The following MTUS1 variants were observed in gnomAD, a reference collection of about 807,000 sequenced individuals.
MTUS1 encodes microtubule associated scaffold protein 1.
In MTUS1, 109 loss-of-function variants were observed where a neutral mutation model predicts 120.8. The ratio of observed to expected loss-of-function variants is 0.90; its 90% CI spans 0.77 to 1.06. The LOEUF (loss-of-function observed/expected upper bound fraction) is 1.06. Among genes scored for constraint, MTUS1 ranks in the 50% least tolerant of loss-of-function variants. The pLI is 0.00. For missense variants in MTUS1, 2,210 were observed against 1,486.3 expected (o/e 1.49, Z -8.01); for synonymous variants, 737 against 550.5 (o/e 1.34, Z -4.74).
chr8:17,712,901 G>T (rs1821614739), intron 6 of MTUS1, among the ~76,000 whole-genome samples: 1 of 152,070 alleles, frequency 6.6e-6, no homozygotes, highest in Non-Finnish European at 1.5e-5. Flanking sequence ...AAAAATTAAG[G>T]AATATCCAAT....
chr8:17,735,904 T>TA (rs1046285904), intron 3 of MTUS1, among the ~76,000 whole-genome samples: 1 of 152,188 alleles, frequency 6.6e-6, no homozygotes, highest in African/African-American at 2.4e-5. Context: ...TACAGCACTA[T>TA]AAATGCAAAG....
intron 1 of MTUS1, among the ~76,000 whole-genome samples, chr8:17,765,296 A>G (rs209564): frequency 0.25 from 38,159 of 151,986 alleles, 5,212 homozygotes; most frequent in African/African-American, 0.36. Flanking sequence ...AACAGGCCAC[A>G]GCCCAGGAAT....
chr8:17,774,700 C>T (rs2050276025), intron 1 of MTUS1, among the ~76,000 whole-genome samples: 2 of 152,132 alleles, frequency 1.3e-5, no homozygotes, highest in Non-Finnish European at 2.9e-5. Flanking sequence ...AAGAGATAAA[C>T]ATAGAATTGC....
At chr8:17,738,164 T>C (rs947802221) in intron 3 of MTUS1, among the ~76,000 whole-genome samples, 5 of 152,322 alleles carry the variant, frequency 3.3e-5, no homozygotes, top group Non-Finnish European at 7.3e-5. Context: ...TCTCTTTCTC[T>C]AGAAGAAAAC....
chr8:17,686,845 T>C lies in MTUS1; in HGVS notation c.2624-2303A>G, dbSNP rs143492239. On this transcript the variant is annotated intron_variant, in intron 6 of 14. Transcript: ENST00000693296. ...ATAGGAATCAGACAGCTAAAAAGTA[T>C]CCTGAAGCATTTTTTATACTTTTTA... 6.0e-3 allele frequency among the ~76,000 whole-genome samples: 921 copies of C among 152,328 alleles called. 15 individuals are homozygous for C. Among genetic ancestry groups the C allele is most frequent in the African/African-American group, 0.021 (853 of 41,580 alleles).
At chr8:17,664,106 AAC>A (rs1810378206) in intron 8 of MTUS1, 1 of 152,198 alleles carries the variant, frequency 6.6e-6, no homozygotes, top group Non-Finnish European at 1.5e-5. Flanking sequence ...ACAGAAATAT[AAC>A]AGTTAAAAAG....
chr8:17,774,735 A>G (rs980659690), intron 1 of MTUS1, among the ~76,000 whole-genome samples: 2 of 152,148 alleles, frequency 1.3e-5, no homozygotes, highest in Non-Finnish European at 2.9e-5. Flanking sequence ...TTCCACTCTT[A>G]TACCCCCAAA....
Position 17,754,823 on chromosome 8 carries a change from T to C in MTUS1, c.985A>G (p.Arg329Gly). ...NSEPHSQSSY[R>G]HKEMGQNLRE... ...AGATTTTGGCCCATTTCCTTGTGCC[T>C]GTATGAGCTCTGTGAATGTGGTTCG... Residue 329 changes from arginine to glycine, a missense_variant, in exon 2 of 15, where the codon AGG (arginine) becomes GGG (glycine). Coordinates refer to ENST00000693296, the MANE Select transcript of MTUS1 (RefSeq NM_001363059.2). 3 of 1,614,230 alleles carry C rather than the reference T, an allele frequency of 1.9e-6. No individual in the cohort carries two copies. Among genetic ancestry groups the C allele is most frequent in the Non-Finnish European group, 2.5e-6 (3 of 1,180,038 alleles).
chr8:17,754,666 G>C lies in MTUS1; in HGVS notation c.1142C>G (p.Ser381Cys), dbSNP rs531238439. ...VTETEDTQMV[S>C]KGKDLGTQNH... ...TTGGGTTCCCAAATCCTTTCCTTTG[G>C]AGACCATTTGTGTGTCTTCAGTCTC... Residue 381 changes from serine to cysteine, a missense_variant, in exon 2 of 15, where the codon TCC (serine) becomes TGC (cysteine). Transcript: ENST00000693296. 2 of 1,614,044 alleles carry C rather than the reference G, an allele frequency of 1.2e-6. No homozygotes were observed. Among genetic ancestry groups the C allele is most frequent in the African/African-American group, 1.3e-5 (1 of 74,904 alleles).
chr8:17,751,862 T>TAAAAA (rs56362055), intron 2 of MTUS1, among the ~76,000 whole-genome samples: 17 of 96,510 alleles, frequency 1.8e-4, no homozygotes, highest in South Asian at 3.4e-4. Context: ...GACTCTGCCT[T>TAAAAA]AAAAAAAAAA....
chr8:17,728,868 T>G (rs1162680974), intron 3 of MTUS1, among the ~76,000 whole-genome samples: 1 of 152,092 alleles, frequency 6.6e-6, no homozygotes, highest in Non-Finnish European at 1.5e-5. Flanking sequence ...GACTGAAGAC[T>G]GAAATCAGGG....
At chr8:17,758,516 A>C (rs529629357) in intron 1 of MTUS1, among the ~76,000 whole-genome samples, 6 of 152,388 alleles carry the variant, frequency 3.9e-5, no homozygotes, top group African/African-American at 1.4e-4. Flanking sequence ...CTTTTATGAA[A>C]CATAAATTAA....
Position 17,645,906 on chromosome 8 carries a change from C to T in MTUS1, c.*20G>A. ...CTGCATCAAAATGCTTTCAGAGAGT[C>T]TGTGGACTTTGGGGAGGTGTCATCT... is the stretch of plus-strand genomic sequence containing the variant. On this transcript the variant is annotated 3_prime_UTR_variant, in exon 15 of 15. Transcript: ENST00000693296. 1 of 1,603,780 alleles carries T rather than the reference C, an allele frequency of 6.2e-7. No individual in the cohort carries two copies. Among genetic ancestry groups the T allele is most frequent in the Non-Finnish European group, 8.5e-7 (1 of 1,176,180 alleles).
In MTUS1 at chr8:17,729,109, C is replaced by G. The variant is rs1015342026; in HGVS notation, c.2288-5276G>C. Among the ~76,000 whole-genome samples the G allele has an allele frequency of 3.3e-5, 5 of 152,160 alleles. No homozygotes were observed. The East Asian group carries it at 9.6e-4, about 29-fold the overall frequency. On this transcript the variant is annotated intron_variant, in intron 3 of 14. Coordinates refer to ENST00000693296, the MANE Select transcript of MTUS1 (RefSeq NM_001363059.2). Reference sequence around the variant, plus strand: ...TTTCCAGTTAATTCAGAGAATATGTCTGTAGCTATAATTATATAACTTGGG... The same window carrying G: ...TTTCCAGTTAATTCAGAGAATATGTGTGTAGCTATAATTATATAACTTGGG...
In MTUS1 at chr8:17,754,745, G is replaced by A; in HGVS notation, c.1063C>T (p.Pro355Ser). Residue 355 changes from proline (P) to serine (S), a missense_variant, in exon 2 of 15, where the codon CCA (proline) becomes TCA (serine). By Grantham distance (74) the Pro-to-Ser change is moderately conservative. Transcript: ENST00000693296. ...TGAGCTTCGCTCTTATCAAAAGCTG[G>A]CACCATTAAAGGGCATTCATCATCA... ...LIDDECPLMVPAFDKSEAQVL... is the reference protein window; with the variant it reads ...LIDDECPLMVSAFDKSEAQVL... The A allele has an allele frequency of 6.2e-7, 1 of 1,614,180 alleles. No individual in the cohort carries two copies.
intron 1 of MTUS1, chr8:17,758,328 G>A (rs2131363528): frequency 6.6e-6 from 1 of 152,240 alleles, no homozygotes; most frequent in Middle Eastern, 3.4e-3. Flanking sequence ...AAGAAAGGCT[G>A]CAATGTTGAT....
rs779907905 is a variant in MTUS1 at position 17,653,208 on chromosome 8, C to G, written c.3362G>C (p.Arg1121Thr). 1.9e-6 allele frequency: 3 copies of G among 1,549,342 alleles called. No individual in the cohort carries two copies. The highest frequency in any genetic ancestry group is 2.6e-6 in the Non-Finnish European group (3 of 1,151,812). ...EKLKSEEQKRRAREKANLKNP... is the reference protein window; with the variant it reads ...EKLKSEEQKRTAREKANLKNP... ...TACCAAATTTGCTTTTTCTCTTGCT[C>G]TTCTTTTTTGTTCTTCTGATTTCAA... The change falls in exon 12 of 15, where the codon AGA becomes ACA. Residue 1121 changes from arginine (R) to threonine (T), a missense_variant. By Grantham distance (71) the Arg-to-Thr change is moderately conservative. Coordinates refer to ENST00000693296, the MANE Select transcript of MTUS1 (RefSeq NM_001363059.2).
intron 6 of MTUS1, among the ~76,000 whole-genome samples, chr8:17,703,160 G>T (rs375385446): frequency 4.6e-5 from 7 of 152,118 alleles, no homozygotes; most frequent in African/African-American, 1.7e-4. Context: ...CTGCGCGGTC[G>T]GGCAGAATAC....
In MTUS1 at chr8:17,773,780, C is replaced by T. The variant is rs527849837; in HGVS notation, c.-154-17819G>A. Among the ~76,000 whole-genome samples the T allele has an allele frequency of 2.0e-5, 3 of 152,224 alleles. No individual in the cohort carries two copies. The South Asian group carries it at 6.2e-4, about 32-fold the overall frequency. The stretch of plus-strand genomic sequence containing the variant: ...ACATTCAAATCATAGCAATGGAGCA[C>T]CAAAATCCCACAGGGTCTTTCCAGG... On this transcript the variant is annotated intron_variant, in intron 1 of 14. Transcript: ENST00000693296.
Sources: gnomAD v4.1 joint callset for allele counts (sites outside exome capture counted in the v4.1 genomes callset) on GRCh38, gnomAD v4.1.1 for gene constraint, MANE v1.5 for transcripts, NCBI Gene and HGNC (gene_info 2026-07-23, HGNC 2026-07-21) for gene names.